CCL23: variants seen among roughly 807,000 people sequenced by gnomAD.
CCL23 encodes C-C motif chemokine ligand 23.
CCL23 carries 10 observed loss-of-function variants against 11.8 expected under a neutral mutation model. The ratio of observed to expected loss-of-function variants is 0.84; its 90% CI spans 0.52 to 1.43. The LOEUF (loss-of-function observed/expected upper bound fraction) is 1.43. Among genes scored for constraint, CCL23 ranks in the 40% most tolerant of loss-of-function variants. The pLI is 0.00. For missense variants in CCL23, 181 were observed against 170.9 expected (o/e 1.06, Z -0.33); for synonymous variants, 60 against 61.0 (o/e 0.98, Z 0.07).
Position 36,013,896 on chromosome 17 carries a change from T to C in CCL23, c.150A>G (p.Arg50=), listed in dbSNP as rs751391277. Residue 50 remains arginine (R), a synonymous_variant, in exon 3 of 4, where the codon AGA becomes AGG. Transcript: ENST00000615050. ...AAAGGGTCATCTGAGGACCAATCTTTCTCCTCCAGAGCACTGTGGAGGGTG... is the reference window on the plus strand; with the variant it reads ...AAAGGGTCATCTGAGGACCAATCTTCCTCCTCCAGAGCACTGTGGAGGGTG... The part of the protein sequence containing the change: ...NPVLLDMLWR[R]KIGPQMTLSH... 37 of 1,613,980 alleles carry C rather than the reference T, an allele frequency of 2.3e-5. No individual in the cohort carries two copies. The Admixed American group carries it at 4.2e-4, about 18-fold the overall frequency.
chr17:36,014,207 G>C (rs1217427180), intron 2 of CCL23, 127 bp downstream of exon 2: 1 of 766,200 alleles, frequency 1.3e-6, no homozygotes, highest in Non-Finnish European at 2.3e-6. Context: ...GATCTTCCTT[G>C]GAGATGTTCA....
rs1347530559 is a variant in CCL23, at chr17:36,013,191, A to G, written c.*6T>C. ...TGGCAACTTGTGTCCCTTCACCTTG[A>G]CAAGTTCAATTCTTCCTGGTCTTGA... On this transcript the variant is annotated 3_prime_UTR_variant, in exon 4 of 4. Transcript: ENST00000615050. 7.6e-6 allele frequency: 12 copies of G among 1,582,368 alleles called. No homozygotes were observed. Among genetic ancestry groups the G allele is most frequent in the Non-Finnish European group, 9.6e-6 (11 of 1,150,844 alleles).
At position 36,013,100 on chromosome 17, in the gene CCL23, A is replaced by G. The variant is rs924589613; in HGVS notation, c.*97T>C. The G allele has an allele frequency of 2.7e-6, 2 of 743,308 alleles. No individual in the cohort carries two copies. The highest frequency in any genetic ancestry group is 2.5e-5 in the East Asian group (1 of 39,714). The allele number at this position is 743,308 out of a possible 1,614,324, so 46.0% of individuals were successfully genotyped here. Reference sequence around the variant, plus strand: ...TTAGATGAATTGCTCTAAATCCAGAACACAAGAATAAATGCTTCTTAAAAA... The same window carrying G: ...TTAGATGAATTGCTCTAAATCCAGAGCACAAGAATAAATGCTTCTTAAAAA... On this transcript the variant is annotated 3_prime_UTR_variant, in exon 4 of 4. Coordinates refer to ENST00000615050, the MANE Select transcript of CCL23 (RefSeq NM_005064.6).
intron 3 of CCL23, 55 bp downstream of exon 3, chr17:36,013,689 A>C: frequency 6.3e-7 from 1 of 1,580,016 alleles, no homozygotes; most frequent in South Asian, 1.1e-5. Flanking sequence ...TCCTCCCTGC[A>C]AGATGCTACA....
intron 1 of CCL23, among the ~76,000 whole-genome samples, chr17:36,017,208 ATGTTT>A (rs2090104314): frequency 6.6e-6 from 1 of 152,182 alleles, no homozygotes; most frequent in Admixed American, 6.5e-5. Context: ...ATAAAAGTTG[ATGTTT>A]TGTTTCTTCC....
intron 3 of CCL23, 106 bp from the exon 4 acceptor site, chr17:36,013,414 G>GTT: frequency 5.9e-6 from 4 of 673,070 alleles, no homozygotes; most frequent in Non-Finnish European, 5.1e-6. Context: ...AATATAGCCA[G>GTT]TTTTTTTTTC....
chr17:36,014,514 C>A, intron 1 of CCL23, 121 bp from the exon 2 acceptor site: 2 of 756,742 alleles, frequency 2.6e-6, no homozygotes, highest in East Asian at 2.6e-5. Flanking sequence ...GCTGGACCAC[C>A]ACCACCTGTC....
At chr17:36,013,664 C>A in intron 3 of CCL23, 80 bp downstream of exon 3, 1 of 1,412,020 alleles carries the variant, frequency 7.1e-7, no homozygotes, top group Non-Finnish European at 9.9e-7. Context: ...CCCTGATGGA[C>A]ACCAGTCTAT....
intron 1 of CCL23, among the ~76,000 whole-genome samples, chr17:36,015,613 T>A (rs1256174207): frequency 6.6e-6 from 1 of 152,256 alleles, no homozygotes; most frequent in Non-Finnish European, 1.5e-5. Context: ...GCTTTGGAAA[T>A]GGGATTGTGG....
At chr17:36,017,707 G>A in intron 1 of CCL23, 115 bp downstream of exon 1, 1 of 941,468 alleles carries the variant, frequency 1.1e-6, no homozygotes. Flanking sequence ...GCTTTTAAAT[G>A]AGTACCATGA....
intron 1 of CCL23, 112 bp downstream of exon 1, chr17:36,017,710 T>A: frequency 1.0e-6 from 1 of 972,074 alleles, no homozygotes; most frequent in East Asian, 2.6e-5. Flanking sequence ...TTTAAATGAG[T>A]ACCATGACCA....
chr17:36,013,963 C>T (rs2090078430), intron 2 of CCL23, 54 bp from the exon 3 acceptor site: 4 of 1,554,628 alleles, frequency 2.6e-6, no homozygotes, highest in African/African-American at 1.4e-5. Flanking sequence ...TCCTCCGTGA[C>T]CAGCACTTGC....
intron 2 of CCL23, 35 bp from the exon 3 acceptor site, chr17:36,013,944 G>A: frequency 6.2e-7 from 1 of 1,603,514 alleles, no homozygotes; most frequent in Non-Finnish European, 8.5e-7. Flanking sequence ...GCTCAGAAGA[G>A]ATGTTTCCTC....
At position 36,014,481 on chromosome 17, in the gene CCL23, C is replaced by T. The variant is rs2090083543; in HGVS notation, c.77-88G>A. 1.3e-5 allele frequency: 13 copies of T among 1,029,170 alleles called. No homozygotes were observed. In the East Asian group the frequency reaches 2.9e-4, roughly 23 times the overall value. The allele number at this position is 1,029,170 out of a possible 1,614,324, so 63.8% of individuals were successfully genotyped here. A position where few individuals can be genotyped will look rare whatever the true frequency, so the allele number is the denominator to read the frequency against. On this transcript the variant is annotated intron_variant, in intron 1 of 3. Transcript: ENST00000615050. ...CACCCACCCCATTGCTCATCCTCCT[C>T]CTGAGGCAGAAAGGTCCCTGAAGCT...
At position 36,013,863 on chromosome 17, in the gene CCL23, A is replaced by G; in HGVS notation, c.183T>C (p.Ala61=). ...KIGPQMTLSH[A]AGFHATSADC... is the part of the protein sequence containing the mutation. ...CAGCACTAGTAGCATGGAATCCTGC[A>G]GCATGAGAAAGGGTCATCTGAGGAC... Residue 61 remains alanine, a synonymous_variant, in exon 3 of 4, where the codon GCT becomes GCC. Transcript: ENST00000615050. The G allele has an allele frequency of 6.2e-7, 1 of 1,614,230 alleles. No individual in the cohort carries two copies.
chr17:36,016,925 TTG>T (rs575456740), intron 1 of CCL23, among the ~76,000 whole-genome samples: 16 of 152,050 alleles, frequency 1.1e-4, no homozygotes, highest in Admixed American at 7.2e-4. Flanking sequence ...AGTCCCCCAA[TTG>T]CTTTCCAGTG....
chr17:36,016,129 T>A (rs958872282), intron 1 of CCL23, among the ~76,000 whole-genome samples: 19 of 151,320 alleles, frequency 1.3e-4, no homozygotes, highest in Non-Finnish European at 1.0e-4. Context: ...TAATAACTAT[T>A]AAATAGACTT....
chr17:36,016,037 C>A (rs2090095620), intron 1 of CCL23, among the ~76,000 whole-genome samples: 1 of 150,898 alleles, frequency 6.6e-6, no homozygotes, highest in Non-Finnish European at 1.5e-5. Flanking sequence ...GAATGAGACT[C>A]CAACTCAAAA....
In CCL23 at chr17:36,013,344, G is replaced by A. The variant is rs765949567; in HGVS notation, c.303-36C>T. On this transcript the variant is annotated intron_variant, in intron 3 of 3. Transcript: ENST00000615050. The stretch of plus-strand genomic sequence containing the variant: ...AGGGGGAGAAAAGTTACAAACTGAG[G>A]TGTGTCCAGCACATGGGGACAGGGG... The A allele has an allele frequency of 2.9e-6, 4 of 1,397,036 alleles. No homozygotes were observed. In the South Asian group the frequency reaches 4.7e-5, roughly 16 times the overall value. The allele number at this position is 1,397,036 out of a possible 1,614,324, so 86.5% of individuals were successfully genotyped here.
Sources: allele counts gnomAD v4.1 joint callset (sites outside exome capture counted in the v4.1 genomes callset), GRCh38; gene constraint gnomAD v4.1.1; transcripts MANE v1.5; gene names NCBI Gene and HGNC (gene_info 2026-07-23, HGNC 2026-07-21).